PTPRD: variants seen among roughly 807,000 people sequenced by gnomAD.
PTPRD encodes the protein protein tyrosine phosphatase receptor type D.
A neutral mutation model predicts 214.5 loss-of-function variants in PTPRD; 34 were observed. The ratio of observed to expected loss-of-function variants is 0.16; its 90% CI spans 0.12 to 0.21. The LOEUF (loss-of-function observed/expected upper bound fraction) is 0.21. Among genes scored for constraint, PTPRD ranks in the 10% least tolerant of loss-of-function variants. The probability of loss-of-function intolerance (pLI) is 1.00; values close to 1 mark genes in which losing one functional copy is unlikely to be tolerated. For synonymous variants in PTPRD, 1,128 were observed against 845.7 expected, an observed-to-expected ratio of 1.33 and a Z score of -5.79; for missense variants, 2,545 against 2,398.7, an observed-to-expected ratio of 1.06 and a Z score of -1.27.
intron 2 of PTPRD, among the ~76,000 whole-genome samples, chr9:10,460,210 T>C (rs575753928): frequency 4.0e-4 from 61 of 151,408 alleles, no homozygotes; most frequent in African/African-American, 1.5e-3. Flanking sequence ...AACTAGAAAA[T>C]ACAGATAAAA....
At chr9:9,299,401 AC>A (rs1245282248) in intron 9 of PTPRD, among the ~76,000 whole-genome samples, 1 of 151,698 alleles carries the variant, frequency 6.6e-6, no homozygotes, top group Non-Finnish European at 1.5e-5. Flanking sequence ...GCTGCTAAAT[AC>A]CTTATAATGC....
At chr9:8,603,193 A>G (rs2094973260) in intron 14 of PTPRD, among the ~76,000 whole-genome samples, 2 of 152,214 alleles carry the variant, frequency 1.3e-5, no homozygotes, top group South Asian at 2.1e-4. Context: ...TTCACCATTT[A>G]TAAGTTGCTT....
At chr9:9,795,667 A>C (rs1242851156) in intron 5 of PTPRD, among the ~76,000 whole-genome samples, 1 of 152,166 alleles carries the variant, frequency 6.6e-6, no homozygotes, top group Non-Finnish European at 1.5e-5. Context: ...AATAGATTTG[A>C]TTAGTATTTC....
intron 10 of PTPRD, among the ~76,000 whole-genome samples, chr9:9,096,198 A>G (rs1269318443): frequency 6.6e-6 from 1 of 152,224 alleles, no homozygotes; most frequent in Non-Finnish European, 1.5e-5. Flanking sequence ...TTGACATGAG[A>G]TTCATGCCAA....
intron 3 of PTPRD, among the ~76,000 whole-genome samples, chr9:10,284,384 C>A (rs1245909840): frequency 6.6e-6 from 1 of 152,054 alleles, no homozygotes; most frequent in Non-Finnish European, 1.5e-5. Context: ...TAGGATCAAC[C>A]TATAAACAAA....
intron 2 of PTPRD, among the ~76,000 whole-genome samples, chr9:10,563,517 G>A (rs2064638261): frequency 6.6e-6 from 1 of 152,024 alleles, no homozygotes; most frequent in African/African-American, 2.4e-5. Flanking sequence ...AATCCTACCT[G>A]ACTTTCCAAC....
At chr9:8,941,405 A>C (rs1274470220) in intron 11 of PTPRD, among the ~76,000 whole-genome samples, 2 of 152,142 alleles carry the variant, frequency 1.3e-5, no homozygotes, top group African/African-American at 4.8e-5. Flanking sequence ...TAATTTTATA[A>C]CATATGTGTG....
At chr9:9,788,175 G>A (rs1017517785) in intron 5 of PTPRD, among the ~76,000 whole-genome samples, 20 of 151,810 alleles carry the variant, frequency 1.3e-4, no homozygotes, top group African/African-American at 4.6e-4. Context: ...TCCTTTTATT[G>A]TTTTATACAC....
At chr9:10,369,544 G>C (rs1426312688) in intron 2 of PTPRD, among the ~76,000 whole-genome samples, 1 of 152,008 alleles carries the variant, frequency 6.6e-6, no homozygotes, top group Non-Finnish European at 1.5e-5. Flanking sequence ...GTATGTATAA[G>C]AATGAGGCTA....
At chr9:9,942,915 CT>C (rs1383697835) in intron 4 of PTPRD, among the ~76,000 whole-genome samples, 8 of 143,108 alleles carry the variant, frequency 5.6e-5, no homozygotes, top group African/African-American at 1.9e-4. Flanking sequence ...TTTTTTAAAG[CT>C]TTTGTCCCAA....
At chr9:9,690,116 TG>T (rs35859912) in intron 7 of PTPRD, among the ~76,000 whole-genome samples, 48 of 152,014 alleles carry the variant, frequency 3.2e-4, no homozygotes, top group Admixed American at 3.0e-3. Context: ...CCACATTGTA[TG>T]GGGGTTCTCC....
chr9:9,116,092 T>C (rs1002628673), intron 10 of PTPRD, among the ~76,000 whole-genome samples: 6 of 152,014 alleles, frequency 3.9e-5, no homozygotes, highest in Middle Eastern at 3.4e-3. Flanking sequence ...GGTTGAAAAA[T>C]GACCTATTGG....
chr9:10,297,184 T>A (rs569126864), intron 3 of PTPRD, among the ~76,000 whole-genome samples: 31 of 150,630 alleles, frequency 2.1e-4, no homozygotes, highest in Non-Finnish European at 3.4e-4. Context: ...TGTGCAGGTT[T>A]GTTACATATG....
intron 8 of PTPRD, among the ~76,000 whole-genome samples, chr9:9,461,588 T>C (rs2093659292): frequency 6.6e-6 from 1 of 152,000 alleles, no homozygotes; most frequent in Non-Finnish European, 1.5e-5. Flanking sequence ...CATCTGAAAA[T>C]GTGGCAAGAG....
intron 9 of PTPRD, among the ~76,000 whole-genome samples, chr9:9,335,595 T>A (rs897675032): frequency 6.6e-6 from 1 of 152,126 alleles, no homozygotes; most frequent in Non-Finnish European, 1.5e-5. Flanking sequence ...AAAGGACTTA[T>A]GAATTTAACA....
At chr9:8,934,403 G>T (rs4271023) in intron 11 of PTPRD, among the ~76,000 whole-genome samples, 6,227 of 40,920 alleles carry the variant, frequency 0.15, 566 homozygotes, top group Non-Finnish European at 0.18. Context: ...ATGTGTGTGT[G>T]TGTGTGTGTG....
chr9:8,653,340 A>G (rs979944607), intron 12 of PTPRD, among the ~76,000 whole-genome samples: 1 of 152,188 alleles, frequency 6.6e-6, no homozygotes, highest in Non-Finnish European at 1.5e-5. Context: ...GAAATTGCAA[A>G]ACAACACAGT....
chr9:9,663,431 G>T (rs1025314133), intron 7 of PTPRD, among the ~76,000 whole-genome samples: 4 of 151,308 alleles, frequency 2.6e-5, no homozygotes, highest in South Asian at 2.1e-4. Context: ...TCATAAGATG[G>T]TTTTAACACA....
chr9:8,650,220 C>A (rs1264537857), intron 12 of PTPRD, among the ~76,000 whole-genome samples: 1 of 151,570 alleles, frequency 6.6e-6, no homozygotes, highest in Non-Finnish European at 1.5e-5. Context: ...TCAGCAAGGG[C>A]AACTTATTAA....
Sources: allele counts gnomAD v4.1 joint callset (sites outside exome capture counted in the v4.1 genomes callset), GRCh38; gene constraint gnomAD v4.1.1; transcripts MANE v1.5; gene names NCBI Gene and HGNC (gene_info 2026-07-23, HGNC 2026-07-21).